The following PDS5A variants were observed in gnomAD, a reference collection of about 807,000 sequenced individuals.
PDS5A encodes PDS5 cohesin associated factor A.
A neutral mutation model predicts 167.1 loss-of-function variants in PDS5A; 42 were observed. The observed-to-expected ratio is 0.25, with a 90% CI of 0.20 to 0.33. The LOEUF (loss-of-function observed/expected upper bound fraction) is 0.33, where lower values mean the gene tolerates loss of function less well. Among genes scored for constraint, PDS5A ranks in the 10% least tolerant of loss-of-function variants. The pLI, the probability that PDS5A is intolerant of heterozygous loss-of-function variation, is 1.00. For missense variants in PDS5A, 1,033 were observed against 1,605.9 expected (o/e 0.64, Z 6.10); for synonymous variants, 553 against 554.6 (o/e 1.00, Z 0.04).
chr4:39,918,978 C>G (rs1724669277), intron 7 of PDS5A, among the ~76,000 whole-genome samples: 1 of 152,100 alleles, frequency 6.6e-6, no homozygotes. Context: ...GCACAGAATA[C>G]TACTTCTGAA....
intron 17 of PDS5A, among the ~76,000 whole-genome samples, chr4:39,885,244 C>T (rs2109604634): frequency 2.5e-5 from 2 of 80,550 alleles, no homozygotes; most frequent in South Asian, 4.8e-4. Context: ...AAGATTCCTT[C>T]TTAAAAAAAA....
chr4:39,848,594 T>A (rs1717850872), intron 28 of PDS5A: 1 of 386,842 alleles, frequency 2.6e-6, no homozygotes. Context: ...TAAAATGAGA[T>A]TAAAATAATT....
chr4:39,848,590 GA>G (rs1717850529), intron 28 of PDS5A: 1 of 375,966 alleles, frequency 2.7e-6, no homozygotes, highest in Non-Finnish European at 4.8e-6. Flanking sequence ...TCAATAAAAT[GA>G]GATTAAAATA....
chr4:39,947,945 T>C (rs1005405000), intron 2 of PDS5A, among the ~76,000 whole-genome samples: 2 of 152,092 alleles, frequency 1.3e-5, no homozygotes, highest in Non-Finnish European at 1.5e-5. Flanking sequence ...ATAATGGCAA[T>C]GTCCACACAA....
chr4:39,894,909 C>T (rs141546339), intron 16 of PDS5A, among the ~76,000 whole-genome samples: 2 of 152,160 alleles, frequency 1.3e-5, no homozygotes, highest in African/African-American at 4.8e-5. Flanking sequence ...TTATCCATCA[C>T]TCAATGGTGG....
At chr4:39,857,996 TAACC>T (rs1718674392) in intron 26 of PDS5A, among the ~76,000 whole-genome samples, 1 of 152,070 alleles carries the variant, frequency 6.6e-6, no homozygotes, top group Non-Finnish European at 1.5e-5. Flanking sequence ...GAAATAAATT[TAACC>T]AAGGAAGACG....
intron 32 of PDS5A, among the ~76,000 whole-genome samples, chr4:39,834,817 T>G (rs1716245345): frequency 1.3e-5 from 2 of 152,166 alleles, no homozygotes; most frequent in Admixed American, 1.3e-4. Flanking sequence ...ACCATCCATC[T>G]CTAGAACTTT....
In PDS5A at chr4:39,862,954, C is replaced by T. The variant is rs1719122654; in HGVS notation, c.2886G>A (p.Lys962=). 1 of 1,613,502 alleles carries T rather than the reference C, an allele frequency of 6.2e-7. No homozygotes were observed. The highest frequency in any genetic ancestry group is 8.5e-7 in the Non-Finnish European group (1 of 1,179,682). ...ATTGTCGTGCGTGTGCTCTTCTCTC[C>T]TTCACAGGATCTTTGGCACACAAGG... ...IFALCAKDPV[K]ERRAHARQCL... The change falls in exon 25 of 33, where the codon AAG becomes AAA. Residue 962 remains lysine, a synonymous_variant. Coordinates refer to ENST00000303538, the MANE Select transcript of PDS5A (RefSeq NM_001100399.2).
chr4:39,897,384 C>A (rs1247493313), intron 16 of PDS5A, among the ~76,000 whole-genome samples: 1 of 152,108 alleles, frequency 6.6e-6, no homozygotes, highest in Non-Finnish European at 1.5e-5. Context: ...CCCTGGGCAA[C>A]ACAGAGACAA....
chr4:39,864,980 C>T (rs1275045075), intron 23 of PDS5A, among the ~76,000 whole-genome samples: 1 of 151,966 alleles, frequency 6.6e-6, no homozygotes, highest in Non-Finnish European at 1.5e-5. Context: ...CTTTTATACT[C>T]ATGAATTATG....
chr4:39,976,677 A>G (rs967512886), intron 1 of PDS5A, 60 bp from the exon 2 acceptor site: 5 of 857,318 alleles, frequency 5.8e-6, no homozygotes, highest in Non-Finnish European at 9.0e-6. Flanking sequence ...CTCTTTTTTC[A>G]TTTCAAATCT....
rs1273774405 is a variant in PDS5A at position 39,874,430 on chromosome 4, G to C, written c.2154-18C>G. ...TTAAGGTCCTGCAAAAAATAATATA[G>C]TTGTTTTTTTTTCTTAAACCCATAA... is the stretch of plus-strand genomic sequence containing the variant. On this transcript the variant is annotated intron_variant, in intron 19 of 32. Coordinates refer to ENST00000303538, the MANE Select transcript of PDS5A (RefSeq NM_001100399.2). 3 of 1,603,578 alleles carry C rather than the reference G, an allele frequency of 1.9e-6. No individual in the cohort carries two copies. The African/African-American group carries it at 4.0e-5, about 22-fold the overall frequency.
rs1371875769 is a variant in PDS5A, at chr4:39,837,910, A to C, written c.3956T>G (p.Leu1319Arg). The change falls in exon 32 of 33, where the codon CTG becomes CGG. Residue 1319 changes from leucine (L) to arginine (R), a missense_variant. By Grantham distance (102) the Leu-to-Arg change is moderately radical. Coordinates refer to ENST00000303538, the MANE Select transcript of PDS5A (RefSeq NM_001100399.2). Reference sequence around the variant, plus strand: ...TGCTGCCTTTTTGGCTAAATCTTGCAGTTTGGGTGCTTTGGCATTACCTGC... The same window carrying C: ...TGCTGCCTTTTTGGCTAAATCTTGCCGTTTGGGTGCTTTGGCATTACCTGC... ...LEAGNAKAPK[L>R]QDLAKKAAPA... 3 of 1,613,562 alleles carry C rather than the reference A, an allele frequency of 1.9e-6. No homozygotes were observed. In the African/African-American group the frequency reaches 4.0e-5, roughly 22 times the overall value.
Position 39,824,444 on chromosome 4 carries a change from A to G in PDS5A, c.*1041T>C, listed in dbSNP as rs1420055905. On this transcript the variant is annotated 3_prime_UTR_variant, in exon 33 of 33. Coordinates refer to ENST00000303538, the MANE Select transcript of PDS5A (RefSeq NM_001100399.2). The stretch of plus-strand genomic sequence containing the variant: ...TATATTGATGCAACAGTTTTCTAAA[A>G]TAAACATAAAAATGAGCCCAGACCA... 6.6e-6 allele frequency: 1 copy of G among 152,378 alleles called. No homozygotes were observed. The highest frequency in any genetic ancestry group is 1.5e-5 in the Non-Finnish European group (1 of 68,040). 9.4% of individuals were successfully genotyped at this position (152,378 alleles called of 1,614,324 possible). A position where few individuals can be genotyped will look rare whatever the true frequency, so the allele number is the denominator to read the frequency against.
intron 26 of PDS5A, among the ~76,000 whole-genome samples, chr4:39,850,691 A>AG (rs1233057269): frequency 6.6e-6 from 1 of 152,244 alleles, no homozygotes; most frequent in African/African-American, 2.4e-5. Flanking sequence ...CACCCAATTA[A>AG]GGAGTCACAA....
intron 28 of PDS5A, chr4:39,847,068 AC>A (rs1260835199): frequency 6.6e-6 from 1 of 152,178 alleles, no homozygotes; most frequent in Non-Finnish European, 1.5e-5. Flanking sequence ...TAAATAAGGA[AC>A]GTTGCATACT....
At chr4:39,959,071 G>C (rs1729232442) in intron 2 of PDS5A, among the ~76,000 whole-genome samples, 2 of 152,102 alleles carry the variant, frequency 1.3e-5, no homozygotes, top group Non-Finnish European at 1.5e-5. Flanking sequence ...AAAATTCTTA[G>C]TGATCTTTTT....
chr4:39,925,764 T>C lies in PDS5A; in HGVS notation c.527+72A>G, dbSNP rs980326027. 9 of 494,684 alleles carry C rather than the reference T, an allele frequency of 1.8e-5. No homozygotes were observed. In the Admixed American group the frequency reaches 1.9e-4, roughly 11 times the overall value. 30.6% of individuals were successfully genotyped at this position (494,684 alleles called of 1,614,324 possible). ...TAACTCTGAAATATCTTAGTGTACA[T>C]GTAGAGTATACAACATCTGAATACA... On this transcript the variant is annotated intron_variant, in intron 5 of 32. Transcript: ENST00000303538.
intron 32 of PDS5A, among the ~76,000 whole-genome samples, chr4:39,831,880 A>T (rs1715918237): frequency 7.1e-6 from 1 of 141,444 alleles, no homozygotes; most frequent in African/African-American, 2.7e-5. Flanking sequence ...CGTCTCAAAA[A>T]AAAAAAAAAA....
Sources: gnomAD v4.1 joint callset for allele counts (sites outside exome capture counted in the v4.1 genomes callset) on GRCh38, gnomAD v4.1.1 for gene constraint, MANE v1.5 for transcripts, NCBI Gene and HGNC (gene_info 2026-07-23, HGNC 2026-07-21) for gene names.